ZBTB40: variants seen among roughly 807,000 people sequenced by gnomAD.
ZBTB40 encodes zinc finger and BTB domain containing 40.
Under a neutral mutation model 117.5 loss-of-function variants are expected in ZBTB40, and 60 were observed. The observed-to-expected ratio is 0.51, with a 90% CI of 0.41 to 0.63. The LOEUF (loss-of-function observed/expected upper bound fraction) is 0.63. ZBTB40 is among the 30% of genes least tolerant of loss of function. The pLI, the probability that ZBTB40 is intolerant of heterozygous loss-of-function variation, is 0.00. For missense variants in ZBTB40, 1,287 were observed against 1,498.5 expected, an observed-to-expected ratio of 0.86 and a Z score of 2.33; for synonymous variants, 525 against 577.1, an observed-to-expected ratio of 0.91 and a Z score of 1.29.
intron 3 of ZBTB40, 37 bp downstream of exon 3, chr1:22,491,570 T>C (rs1638633120): frequency 1.9e-6 from 3 of 1,612,140 alleles, no homozygotes; most frequent in South Asian, 2.2e-5. Context: ...TTTGCTAGTT[T>C]AGTGTTCTCA....
At chr1:22,486,653 C>G (rs1304665302) in intron 1 of ZBTB40, among the ~76,000 whole-genome samples, 1 of 152,124 alleles carries the variant, frequency 6.6e-6, no homozygotes, top group Non-Finnish European at 1.5e-5. Flanking sequence ...TCCAGTGATT[C>G]GATTGCAGTT....
At chr1:22,519,145 A>G (rs1444778568) in intron 13 of ZBTB40, among the ~76,000 whole-genome samples, 2 of 152,270 alleles carry the variant, frequency 1.3e-5, no homozygotes, top group Non-Finnish European at 2.9e-5. Context: ...ATGCTGCTGC[A>G]TGTCAGAATT....
chr1:22,517,182 G>A, intron 12 of ZBTB40, 118 bp from the exon 13 acceptor site: 2 of 1,445,288 alleles, frequency 1.4e-6, no homozygotes, highest in Non-Finnish European at 1.9e-6. Context: ...ACTGCCTGAT[G>A]TTTTAATGTC....
intron 3 of ZBTB40, among the ~76,000 whole-genome samples, chr1:22,501,281 C>T (rs765100139): frequency 1.5e-4 from 23 of 152,164 alleles, no homozygotes; most frequent in Admixed American, 1.1e-3. Context: ...AGCATGGAGT[C>T]GTGGAATTGG....
At chr1:22,444,609 C>T (rs1053645860) in intron 1 of ZBTB40, among the ~76,000 whole-genome samples, 11 of 152,104 alleles carry the variant, frequency 7.2e-5, no homozygotes, top group African/African-American at 2.7e-4. Flanking sequence ...TCTAGGAACA[C>T]TTGACTGGTA....
intron 1 of ZBTB40, among the ~76,000 whole-genome samples, chr1:22,431,392 ATATATATATATATATATG>A (rs1487691717): frequency 6.8e-4 from 92 of 135,052 alleles, no homozygotes; most frequent in African/African-American, 2.6e-3. Flanking sequence ...GTGTATATAT[ATATATATATATATATATG>A]TATATATAGT....
upstream of ZBTB40, among the ~76,000 whole-genome samples, chr1:22,448,545 G>A (rs1233888058): frequency 6.6e-6 from 1 of 152,084 alleles, no homozygotes; most frequent in East Asian, 1.9e-4. Context: ...GAAAAAAAGT[G>A]CAGACTGCAG....
chr1:22,431,392 A>ATATATATATATG (rs1640587195), intron 1 of ZBTB40, among the ~76,000 whole-genome samples: 5 of 135,064 alleles, frequency 3.7e-5, no homozygotes, highest in Admixed American at 7.7e-5. Context: ...GTGTATATAT[A>ATATATATATATG]TATATATATA....
chr1:22,453,391 G>A (rs931300611), intron 1 of ZBTB40, among the ~76,000 whole-genome samples: 3 of 152,206 alleles, frequency 2.0e-5, no homozygotes, highest in Admixed American at 6.5e-5. Context: ...GTGTACCAGA[G>A]ACGTTTCAAA....
chr1:22,498,822 A>ATAGCTATATGC (rs1553135197), intron 3 of ZBTB40, among the ~76,000 whole-genome samples: 3 of 150,584 alleles, frequency 2.0e-5, no homozygotes, highest in Non-Finnish European at 4.4e-5. Flanking sequence ...CTAGAATGAG[A>ATAGCTATATGC]TAGCTATATG....
intron 1 of ZBTB40, among the ~76,000 whole-genome samples, chr1:22,445,077 T>G (rs1640772501): frequency 6.6e-6 from 1 of 152,138 alleles, no homozygotes; most frequent in African/African-American, 2.4e-5. Flanking sequence ...ACTTTGGTGC[T>G]GTGTGACTTG....
Position 22,526,435 on chromosome 1 carries a change from CAG to C in ZBTB40, c.*44_*45del. On this transcript the variant is annotated 3_prime_UTR_variant, in exon 18 of 18. Coordinates refer to ENST00000375647, the MANE Select transcript of ZBTB40 (RefSeq NM_014870.4). Reference sequence around the variant, plus strand: ...CGGCAGAGCCTTCCTGCGTTTGCAGCAGAGAGGAGGCCCCACAGCTTGCCCTT... The same window carrying C: ...CGGCAGAGCCTTCCTGCGTTTGCAGCAGAGGAGGCCCCACAGCTTGCCCTT... The C allele has an allele frequency of 6.2e-7, 1 of 1,611,800 alleles. No individual in the cohort carries two copies. The highest frequency in any genetic ancestry group is 8.5e-7 in the Non-Finnish European group (1 of 1,179,680).
At chr1:22,472,757 A>G (rs1641442503) in intron 1 of ZBTB40, among the ~76,000 whole-genome samples, 1 of 152,214 alleles carries the variant, frequency 6.6e-6, no homozygotes, top group Admixed American at 6.5e-5. Flanking sequence ...TTCGAGGCTT[A>G]ACTAGGTCTG....
chr1:22,429,374 C>T (rs1640547029), intron 1 of ZBTB40, among the ~76,000 whole-genome samples: 1 of 151,376 alleles, frequency 6.6e-6, no homozygotes, highest in Non-Finnish European at 1.5e-5. Flanking sequence ...GAGCAAGACT[C>T]CGCCTCAAAA....
At chr1:22,487,295 G>A (rs1276897021) in intron 1 of ZBTB40, among the ~76,000 whole-genome samples, 1 of 152,166 alleles carries the variant, frequency 6.6e-6, no homozygotes, top group African/African-American at 2.4e-5. Context: ...TAGAAATGGT[G>A]GAGTGGAAAG....
At chr1:22,436,758 T>G (rs1640675750) in intron 1 of ZBTB40, among the ~76,000 whole-genome samples, 1 of 152,166 alleles carries the variant, frequency 6.6e-6, no homozygotes, top group South Asian at 2.1e-4. Context: ...ATTATATAAT[T>G]TCGCTGATAT....
intron 3 of ZBTB40, among the ~76,000 whole-genome samples, 166 bp from the exon 4 acceptor site, chr1:22,501,326 C>T (rs890429161): frequency 2.0e-5 from 3 of 152,106 alleles, no homozygotes; most frequent in African/African-American, 4.8e-5. Flanking sequence ...AGCATGGGAC[C>T]GCAGGGCTTG....
intron 1 of ZBTB40, among the ~76,000 whole-genome samples, chr1:22,466,352 A>G (rs1050679706): frequency 6.6e-6 from 1 of 152,192 alleles, no homozygotes; most frequent in Non-Finnish European, 1.5e-5. Flanking sequence ...ACATTAATGT[A>G]CAGGTTTTTG....
At chr1:22,471,215 A>C (rs1641396165) in intron 1 of ZBTB40, among the ~76,000 whole-genome samples, 1 of 152,186 alleles carries the variant, frequency 6.6e-6, no homozygotes, top group East Asian at 1.9e-4. Context: ...TTCCAATAGC[A>C]CTCTTTCCCA....
Sources: gnomAD v4.1 joint callset for allele counts (sites outside exome capture counted in the v4.1 genomes callset) on GRCh38, gnomAD v4.1.1 for gene constraint, MANE v1.5 for transcripts, NCBI Gene and HGNC (gene_info 2026-07-23, HGNC 2026-07-21) for gene names.